The following PADI6 variants were observed in gnomAD, a reference collection of about 807,000 sequenced individuals.
The protein encoded by PADI6 is peptidyl arginine deiminase 6, also known as inactive protein-arginine deiminase type-6.
A neutral mutation model predicts 78.2 loss-of-function variants in PADI6; 66 were observed. The observed-to-expected ratio is 0.84, with a 90% CI of 0.69 to 1.04. The LOEUF (loss-of-function observed/expected upper bound fraction) is 1.04. PADI6 is among the 50% of genes least tolerant of loss of function. The pLI is 0.00. For synonymous variants in PADI6, 397 were observed against 346.9 expected, an observed-to-expected ratio of 1.14 and a Z score of -1.60; for missense variants, 854 against 866.1, an observed-to-expected ratio of 0.99 and a Z score of 0.18.
At chr1:17,372,765 G>A (rs2074974324) in intron 1 of PADI6, among the ~76,000 whole-genome samples, 2 of 152,128 alleles carry the variant, frequency 1.3e-5, no homozygotes, top group African/African-American at 4.8e-5. Flanking sequence ...TTCTTTATGG[G>A]GATCCTTTGT....
chr1:17,389,609 C>T (rs754898123), intron 8 of PADI6, among the ~76,000 whole-genome samples: 2 of 152,194 alleles, frequency 1.3e-5, no homozygotes, highest in African/African-American at 2.4e-5. Context: ...CACGGGGCCA[C>T]GTCCGGCTTC....
chr1:17,392,960 A>C (rs916113671), intron 9 of PADI6, among the ~76,000 whole-genome samples: 1 of 152,170 alleles, frequency 6.6e-6, no homozygotes, highest in African/African-American at 2.4e-5. Flanking sequence ...CCTGGAAAAC[A>C]TGGCAAAATA....
chr1:17,380,111 A>C, intron 4 of PADI6, 124 bp downstream of exon 4: 1 of 904,598 alleles, frequency 1.1e-6, no homozygotes, highest in South Asian at 1.5e-5. Flanking sequence ...AGGATTAGAT[A>C]CGTGGAGGGG....
At chr1:17,379,122 T>TCACCATG (rs1164821249) in intron 3 of PADI6, among the ~76,000 whole-genome samples, 7 of 134,462 alleles carry the variant, frequency 5.2e-5, no homozygotes, top group African/African-American at 2.4e-4. Flanking sequence ...TTTTTTTTTT[T>TCACCATG]TTTTTTTTTT....
chr1:17,400,208 CAAA>C (rs34308317), intron 15 of PADI6, among the ~76,000 whole-genome samples: 4 of 135,648 alleles, frequency 2.9e-5, no homozygotes, highest in African/African-American at 5.4e-5. Context: ...TAAACCAAAC[CAAA>C]AAAAAAAAAA....
intron 15 of PADI6, among the ~76,000 whole-genome samples, chr1:17,399,647 C>T (rs542812011): frequency 2.0e-4 from 30 of 150,864 alleles, no homozygotes; most frequent in African/African-American, 2.7e-4. Flanking sequence ...AGTTCTAGTA[C>T]GTTGGGAGGC....
chr1:17,372,334 G>A lies in PADI6; in HGVS notation c.89G>A (p.Gly30Asp). 6.2e-7 allele frequency: 1 copy of A among 1,613,980 alleles called. No individual in the cohort carries two copies. Among genetic ancestry groups the A allele is most frequent in the Non-Finnish European group, 8.5e-7 (1 of 1,179,864 alleles). ...DSPVHAVCVL[G>D]TEICLDLSGC... ...CCTGTCCATGCCGTTTGTGTGTTGG[G>A]CACAGAAATCTGCTTGGATCTCAGC... Residue 30 changes from glycine (G) to aspartate (D), a missense_variant, in exon 1 of 16, where the codon GGC becomes GAC. Physicochemically the swap from Gly to Asp is moderately conservative, Grantham distance 94. Coordinates refer to ENST00000619609, the MANE Select transcript of PADI6 (RefSeq NM_207421.4).
At chr1:17,387,633 A>G (rs1472776986) in intron 6 of PADI6, among the ~76,000 whole-genome samples, 6 of 152,170 alleles carry the variant, frequency 3.9e-5, no homozygotes, top group Non-Finnish European at 8.8e-5. Flanking sequence ...AGGTGCCTGC[A>G]GTTCCAGCTA....
rs2075055437 is a variant in PADI6, at chr1:17,379,860, A to G, written c.368-60A>G. 34 of 1,490,430 alleles carry G rather than the reference A, an allele frequency of 2.3e-5. No individual in the cohort carries two copies. The South Asian group carries it at 3.5e-4, about 15-fold the overall frequency. The allele number at this position is 1,490,430 out of a possible 1,614,324, so 92.3% of individuals were successfully genotyped here. A position where few individuals can be genotyped will look rare whatever the true frequency, so the allele number is the denominator to read the frequency against. Reference sequence around the variant, plus strand: ...GGCAGCCCCACAGGAGATAACCTATAACTTTGAGGTTCCATCTGGCAGGTC... The same window carrying G: ...GGCAGCCCCACAGGAGATAACCTATGACTTTGAGGTTCCATCTGGCAGGTC... On this transcript the variant is annotated intron_variant, in intron 3 of 15. Transcript: ENST00000619609.
At chr1:17,398,871 G>A in intron 15 of PADI6, 24 bp downstream of exon 15, 1 of 1,609,446 alleles carries the variant, frequency 6.2e-7, no homozygotes, top group South Asian at 1.1e-5. Context: ...GCGCATCCCT[G>A]GGTGGGGGAG....
At chr1:17,376,331 G>C (rs909223077) in intron 3 of PADI6, among the ~76,000 whole-genome samples, 4 of 150,102 alleles carry the variant, frequency 2.7e-5, no homozygotes, top group African/African-American at 9.8e-5. Context: ...ATGGAGTCTT[G>C]CTCTGTTGCC....
chr1:17,379,132 T>TTTTTTTG (rs1557597630), intron 3 of PADI6, among the ~76,000 whole-genome samples: 2 of 136,258 alleles, frequency 1.5e-5, no homozygotes, highest in African/African-American at 3.3e-5. Flanking sequence ...TTTTTTTTTT[T>TTTTTTTG]AAGACGGAGT....
rs1402735142 is a variant in PADI6, at chr1:17,388,827, T to C, written c.909T>C (p.Ala303=). The part of the protein sequence containing the change: ...LYKDTVVFRV[A]PCVFIPCTQV... ...AAGACACGGTGGTGTTCCGGGTGGC[T>C]CCCTGTGTCTTCATTCCCTGTACCC... is the stretch of plus-strand genomic sequence containing the variant. The change falls in exon 8 of 16, where the codon GCT becomes GCC. Residue 303 remains alanine (A), a synonymous_variant. Coordinates refer to ENST00000619609, the MANE Select transcript of PADI6 (RefSeq NM_207421.4). 4 of 1,613,696 alleles carry C rather than the reference T, an allele frequency of 2.5e-6. No homozygotes were observed. Among genetic ancestry groups the C allele is most frequent in the African/African-American group, 2.7e-5 (2 of 74,924 alleles).
rs571834190 is a variant in PADI6 at position 17,376,633 on chromosome 1, C to T, written c.367+1134C>T. 8.6e-5 allele frequency among the ~76,000 whole-genome samples: 13 copies of T among 151,844 alleles called. No homozygotes were observed. In the South Asian group the frequency reaches 1.7e-3, roughly 19 times the overall value. On this transcript the variant is annotated intron_variant, in intron 3 of 15. Coordinates refer to ENST00000619609, the MANE Select transcript of PADI6 (RefSeq NM_207421.4). ...CAGGCTGGTCTCAATCTCCTGACCT[C>T]GTGATCCGCCCACCTCAGCCTCCCA...
At position 17,381,895 on chromosome 1, in the gene PADI6, A is replaced by G. The variant is rs113858406; in HGVS notation, c.554-72A>G. On this transcript the variant is annotated intron_variant, in intron 5 of 15. Transcript: ENST00000619609. ...CTGTTCAAACTCCCGGCCCCTCTCT[A>G]CTGCTCTTCCCTCCACCCCCAGAGT... 1.3e-3 allele frequency: 2,040 copies of G among 1,583,394 alleles called. 26 individuals carry two copies. The African/African-American group carries it at 0.024, about 19-fold the overall frequency.
At chr1:17,372,894 T>C (rs549522391) in intron 1 of PADI6, among the ~76,000 whole-genome samples, 162 bp from the exon 2 acceptor site, 142 of 144,678 alleles carry the variant, frequency 9.8e-4, no homozygotes, top group Middle Eastern at 3.7e-3. Context: ...AACACAGGGG[T>C]CCTTTGGGAG....
chr1:17,397,986 GTTC>G (rs2075262936), intron 14 of PADI6, among the ~76,000 whole-genome samples: 1 of 152,202 alleles, frequency 6.6e-6, no homozygotes, highest in South Asian at 2.1e-4. Flanking sequence ...CGAGGATGGT[GTTC>G]AGGGTCACCA....
chr1:17,385,191 A>G (rs2075107939), intron 6 of PADI6, among the ~76,000 whole-genome samples: 2 of 131,396 alleles, frequency 1.5e-5, no homozygotes, highest in African/African-American at 5.4e-5. Flanking sequence ...ATGAGACGAT[A>G]GTGTTTGAGT....
intron 4 of PADI6, among the ~76,000 whole-genome samples, 196 bp downstream of exon 4, chr1:17,380,183 G>A (rs1049731591): frequency 7.2e-5 from 11 of 151,888 alleles, no homozygotes; most frequent in African/African-American, 2.4e-4. Context: ...TCTTTTGTGG[G>A]GTATTTTTTT....
Sources: allele counts gnomAD v4.1 joint callset (sites outside exome capture counted in the v4.1 genomes callset), GRCh38; gene constraint gnomAD v4.1.1; transcripts MANE v1.5; gene names NCBI Gene and HGNC (gene_info 2026-07-23, HGNC 2026-07-21).